The following MEGF11 variants were observed in gnomAD, a reference collection of about 807,000 sequenced individuals.
MEGF11 encodes multiple EGF like domains 11, also known as multiple epidermal growth factor-like domains protein 11.
A neutral mutation model predicts 146.6 loss-of-function variants in MEGF11; 126 were observed. The ratio of observed to expected loss-of-function variants is 0.86; its 90% CI spans 0.74 to 1.00. MEGF11 has a LOEUF of 1.00. MEGF11 is among the 50% of genes least tolerant of loss of function. The pLI, the probability that MEGF11 is intolerant of heterozygous loss-of-function variation, is 0.00. For missense variants in MEGF11, 1,509 were observed against 1,521.2 expected (o/e 0.99, Z 0.13); for synonymous variants, 532 against 583.4 (o/e 0.91, Z 1.27).
intron 10 of MEGF11, among the ~76,000 whole-genome samples, chr15:65,943,328 A>G (rs2080075338): frequency 6.6e-6 from 1 of 152,180 alleles, no homozygotes; most frequent in Non-Finnish European, 1.5e-5. Context: ...AACTTCTGGG[A>G]AAACCTATGT....
chr15:65,912,000 G>T (rs1406608623), intron 21 of MEGF11, 82 bp downstream of exon 21: 13 of 711,666 alleles, frequency 1.8e-5, no homozygotes, highest in Non-Finnish European at 1.9e-5. Context: ...TGTGGCGGGG[G>T]GCGTGCAGTT....
intron 5 of MEGF11, among the ~76,000 whole-genome samples, chr15:66,079,130 C>T (rs1166859642): frequency 6.6e-6 from 1 of 152,178 alleles, no homozygotes; most frequent in East Asian, 1.9e-4. Flanking sequence ...GGAGACTGCC[C>T]TTTCTCAAGA....
chr15:66,189,656 C>T (rs1163859428), intron 1 of MEGF11, among the ~76,000 whole-genome samples: 2 of 152,134 alleles, frequency 1.3e-5, no homozygotes, highest in African/African-American at 4.8e-5. Flanking sequence ...GCTGAGTGAT[C>T]TTGGGAAAGA....
rs1455035516 is a variant in MEGF11, at chr15:65,896,582, T to G, written c.*1352A>C. On this transcript the variant is annotated 3_prime_UTR_variant, in exon 26 of 26. Transcript: ENST00000395614. ...GTTAGCTTCCTAGGTTTGCCCTTTT[T>G]GTTTTTAATTCTTGTGAGAAGGTTC... The G allele has an allele frequency of 6.5e-6, 1 of 152,682 alleles. No homozygotes were observed. 9.5% of individuals were successfully genotyped at this position (152,682 alleles called of 1,614,324 possible). A position where few individuals can be genotyped will look rare whatever the true frequency, so the allele number is the denominator to read the frequency against.
intron 4 of MEGF11, among the ~76,000 whole-genome samples, chr15:66,109,959 A>T (rs2087305513): frequency 1.3e-5 from 2 of 152,132 alleles, no homozygotes; most frequent in Admixed American, 1.3e-4. Flanking sequence ...CTCACTTCTG[A>T]GTGAGAGAGA....
chr15:65,953,297 A>C (rs1381348107), intron 10 of MEGF11, among the ~76,000 whole-genome samples: 1 of 152,228 alleles, frequency 6.6e-6, no homozygotes. Context: ...GTCAGGCAGG[A>C]TAAGTGGCTT....
chr15:66,003,274 G>A (rs1421393405), intron 5 of MEGF11, among the ~76,000 whole-genome samples: 9 of 152,092 alleles, frequency 5.9e-5, no homozygotes, highest in East Asian at 1.9e-4. Flanking sequence ...GATTACAGTC[G>A]TGAGTCACCA....
intron 1 of MEGF11, among the ~76,000 whole-genome samples, chr15:66,144,025 G>T (rs1029152578): frequency 1.3e-5 from 2 of 152,166 alleles, no homozygotes; most frequent in African/African-American, 4.8e-5. Flanking sequence ...CCCCATCAGA[G>T]AGCTCAGGGC....
intron 4 of MEGF11, among the ~76,000 whole-genome samples, chr15:66,116,202 C>CAAG (rs2087721157): frequency 1.3e-5 from 2 of 152,198 alleles, no homozygotes; most frequent in Non-Finnish European, 2.9e-5. Flanking sequence ...GCAGCATTCT[C>CAAG]TCCTGCCGCG....
chr15:66,051,798 C>G (rs2084457395), intron 5 of MEGF11, among the ~76,000 whole-genome samples: 1 of 152,226 alleles, frequency 6.6e-6, no homozygotes, highest in Non-Finnish European at 1.5e-5. Flanking sequence ...ATTTCGGCAT[C>G]TCTGGCACCT....
At chr15:66,251,111 C>T (rs1020999835) in intron 1 of MEGF11, among the ~76,000 whole-genome samples, 3 of 152,208 alleles carry the variant, frequency 2.0e-5, no homozygotes, top group Non-Finnish European at 2.9e-5. Context: ...AGGTTCTGAG[C>T]TTGAGCTCTG....
chr15:66,204,182 G>T (rs986688436), intron 1 of MEGF11, among the ~76,000 whole-genome samples: 1 of 152,040 alleles, frequency 6.6e-6, no homozygotes, highest in African/African-American at 2.4e-5. Context: ...CAGGCAGATC[G>T]CTTGAGCCCA....
chr15:66,214,019 T>C (rs1274107308), intron 1 of MEGF11, among the ~76,000 whole-genome samples: 1 of 144,412 alleles, frequency 6.9e-6, no homozygotes, highest in Non-Finnish European at 1.5e-5. Context: ...ATGCCCAAAA[T>C]GAGCCGGCCA....
chr15:66,079,540 C>G (rs1185134869), intron 5 of MEGF11, among the ~76,000 whole-genome samples: 2 of 143,090 alleles, frequency 1.4e-5, no homozygotes, highest in East Asian at 4.1e-4. Context: ...CATTCACACC[C>G]CCCCCCCCAG....
At chr15:66,180,338 T>C (rs1304354950) in intron 1 of MEGF11, among the ~76,000 whole-genome samples, 1 of 152,154 alleles carries the variant, frequency 6.6e-6, no homozygotes, top group Non-Finnish European at 1.5e-5. Context: ...GTGCCTTTCT[T>C]GAGAAGGTGA....
intron 5 of MEGF11, among the ~76,000 whole-genome samples, chr15:66,051,105 A>G (rs1426539555): frequency 6.6e-6 from 1 of 152,222 alleles, no homozygotes; most frequent in East Asian, 1.9e-4. Flanking sequence ...TTGACCATAC[A>G]AAGTGCTTTC....
chr15:66,068,223 AG>A (rs1423489904), intron 5 of MEGF11, among the ~76,000 whole-genome samples: 1 of 152,146 alleles, frequency 6.6e-6, no homozygotes, highest in African/African-American at 2.4e-5. Flanking sequence ...GGTGCATAGT[AG>A]GTACCTGATA....
At chr15:66,163,829 A>G (rs2090021494) in intron 1 of MEGF11, among the ~76,000 whole-genome samples, 1 of 152,168 alleles carries the variant, frequency 6.6e-6, no homozygotes, top group African/African-American at 2.4e-5. Context: ...TCTGGGCCTC[A>G]CCTATAAATC....
At chr15:66,122,113 A>ATTAGAAGGG (rs1264763922) in intron 3 of MEGF11, among the ~76,000 whole-genome samples, 2 of 152,100 alleles carry the variant, frequency 1.3e-5, no homozygotes, top group Non-Finnish European at 2.9e-5. Flanking sequence ...AAATACAAAA[A>ATTAGAAGGG]TTAGAAGGGT....
Sources: allele counts gnomAD v4.1 joint callset (sites outside exome capture counted in the v4.1 genomes callset), GRCh38; gene constraint gnomAD v4.1.1; transcripts MANE v1.5; gene names NCBI Gene and HGNC (gene_info 2026-07-23, HGNC 2026-07-21).